ATP13A4: variants seen among roughly 807,000 people sequenced by gnomAD.
The protein encoded by ATP13A4 is ATPase 13A4, also known as probable cation-transporting ATPase 13A4.
A neutral mutation model predicts 142.5 loss-of-function variants in ATP13A4; 114 were observed. That is an observed-to-expected ratio of 0.80 (90% confidence interval 0.69 to 0.93). ATP13A4 has a LOEUF of 0.93. Among genes scored for constraint, ATP13A4 ranks in the 40% least tolerant of loss-of-function variants. ATP13A4 has a pLI of 0.00. For synonymous variants in ATP13A4, 488 were observed against 514.8 expected, an observed-to-expected ratio of 0.95 and a Z score of 0.70; for missense variants, 1,392 against 1,454.0, an observed-to-expected ratio of 0.96 and a Z score of 0.69.
intron 1 of ATP13A4, among the ~76,000 whole-genome samples, chr3:193,541,543 G>C (rs1722930458): frequency 6.6e-6 from 1 of 152,020 alleles, no homozygotes; most frequent in Non-Finnish European, 1.5e-5. Context: ...TTTTCAGTTA[G>C]TTCACTGATT....
Position 193,427,435 on chromosome 3 carries a change from G to A in ATP13A4, c.2842+6410C>T, listed in dbSNP as rs561006768. Among the ~76,000 whole-genome samples the A allele has an allele frequency of 2.0e-5, 3 of 152,258 alleles. No individual in the cohort carries two copies. The East Asian group carries it at 5.8e-4, about 29-fold the overall frequency. ...CAAGCTACCAATGACTTTCTTCATA[G>A]AATTGGAAGAAACTACTTTAAAGTT... On this transcript the variant is annotated intron_variant, in intron 25 of 29. Transcript: ENST00000342695.
At chr3:193,518,891 C>A (rs1721568037) in intron 1 of ATP13A4, among the ~76,000 whole-genome samples, 1 of 152,162 alleles carries the variant, frequency 6.6e-6, no homozygotes, top group Non-Finnish European at 1.5e-5. Context: ...ACAGTCTCAC[C>A]CTGTAAACTA....
At chr3:193,493,793 G>A (rs1720077556) in intron 3 of ATP13A4, among the ~76,000 whole-genome samples, 5 of 152,076 alleles carry the variant, frequency 3.3e-5, no homozygotes, top group Admixed American at 3.3e-4. Context: ...CAGATAATGA[G>A]GCTACATAAG....
rs569654732 is a variant in ATP13A4 at position 193,455,298 on chromosome 3, G to A, written c.1916-1086C>T. On this transcript the variant is annotated intron_variant, in intron 16 of 29. Transcript: ENST00000342695. ...GGAGCTTGCAGTGAGCCGAGATTGCGCCACTGCACTCCAGCCTGGGCAACA... is the reference window on the plus strand; with the variant it reads ...GGAGCTTGCAGTGAGCCGAGATTGCACCACTGCACTCCAGCCTGGGCAACA... Among the ~76,000 whole-genome samples, 356 of 138,020 alleles carry A rather than the reference G, an allele frequency of 2.6e-3. 1 individual carries two copies. Among genetic ancestry groups the A allele is most frequent in the African/African-American group, 9.1e-3 (327 of 35,744 alleles). 90.5% of individuals were successfully genotyped at this position (138,020 alleles called of 152,430 possible). A position where few individuals can be genotyped will look rare whatever the true frequency, so the allele number is the denominator to read the frequency against.
rs192598217 is a variant in ATP13A4, at chr3:193,469,991, A to T, written c.943+868T>A. Among the ~76,000 whole-genome samples the T allele has an allele frequency of 3.4e-3, 512 of 152,276 alleles. 6 individuals are homozygous for T. The highest frequency in any genetic ancestry group is 0.02 in the Middle Eastern group (6 of 294). On this transcript the variant is annotated intron_variant, in intron 9 of 29. Coordinates refer to ENST00000342695, the MANE Select transcript of ATP13A4 (RefSeq NM_032279.4). ...GTCTGCGACACATCTATTCTTTGTA[A>T]GCTAACATAGGAAGAAGGTGTGTAC...
Position 193,543,710 on chromosome 3 carries a change from A to C in ATP13A4, c.60+11030T>G, listed in dbSNP as rs73063947. On this transcript the variant is annotated intron_variant, in intron 1 of 29. Transcript: ENST00000342695. ...AATAGAGATAATCCACGAAGTCATA[A>C]ATTTTCTTGAACTCATCAGATAGCT... 4.4e-3 allele frequency among the ~76,000 whole-genome samples: 665 copies of C among 152,264 alleles called. 6 individuals are homozygous for C. Among genetic ancestry groups the C allele is most frequent in the East Asian group, 0.019 (98 of 5,194 alleles).
In ATP13A4 at chr3:193,457,002, G is replaced by A. The variant is rs563494981; in HGVS notation, c.1913C>T (p.Thr638Ile). The change falls in exon 16 of 30, where the codon ACA (threonine) becomes ATA (isoleucine). Residue 638 changes from threonine (T) to isoleucine (I), a missense_variant and splice_region_variant. Coordinates refer to ENST00000342695, the MANE Select transcript of ATP13A4 (RefSeq NM_032279.4). Reference sequence around the variant, plus strand: ...GTAATCCAAGTCAAGTTACAGACCTGTCTCAGGTTGGCAAAAGCTGGCCAC... The same window carrying A: ...GTAATCCAAGTCAAGTTACAGACCTATCTCAGGTTGGCAAAAGCTGGCCAC... Reference protein sequence around the residue: ...ERVASFCQPETVPTSFVSELQ... With the variant: ...ERVASFCQPEIVPTSFVSELQ... 46 of 1,612,330 alleles carry A rather than the reference G, an allele frequency of 2.9e-5. No homozygotes were observed. The highest frequency in any genetic ancestry group is 3.8e-5 in the Non-Finnish European group (45 of 1,179,284).
chr3:193,447,650 A>C (rs943549625), intron 18 of ATP13A4, among the ~76,000 whole-genome samples: 5 of 152,244 alleles, frequency 3.3e-5, no homozygotes, highest in African/African-American at 1.2e-4. Context: ...TAATTTCATT[A>C]AGAAATTTCA....
intron 2 of ATP13A4, among the ~76,000 whole-genome samples, chr3:193,571,095 T>C (rs1431694685): frequency 1.3e-5 from 2 of 151,954 alleles, no homozygotes; most frequent in Admixed American, 6.6e-5. Flanking sequence ...CTGGCCAACA[T>C]GGCAAAACCC....
chr3:193,531,315 G>GACGGGAGGGAAGGAAGGGA (rs1722314484), intron 1 of ATP13A4, among the ~76,000 whole-genome samples: 1 of 92,732 alleles, frequency 1.1e-5, no homozygotes, highest in Non-Finnish European at 2.3e-5. Flanking sequence ...AGGAAGGAAG[G>GACGGGAGGGAAGGAAGGGA]AAGGAAGGAA....
At chr3:193,416,027 TA>T (rs1715042561) in intron 25 of ATP13A4, among the ~76,000 whole-genome samples, 1 of 152,156 alleles carries the variant, frequency 6.6e-6, no homozygotes, top group South Asian at 2.1e-4. Flanking sequence ...AGCACAGAAA[TA>T]ATCTGTAAGG....
intron 9 of ATP13A4, among the ~76,000 whole-genome samples, chr3:193,469,320 T>C (rs190097906): frequency 2.6e-5 from 4 of 152,226 alleles, no homozygotes; most frequent in Admixed American, 6.5e-5. Flanking sequence ...GACAGGACAA[T>C]AAGTTGAGAA....
Position 193,402,426 on chromosome 3 carries a change from G to A in ATP13A4, c.*226C>T, listed in dbSNP as rs1347152011. On this transcript the variant is annotated 3_prime_UTR_variant, in exon 30 of 30. Transcript: ENST00000342695. ...TTCTTGGCCCATTCTTGCCTTCACT[G>A]AATGCCTCTAATACCTTCAGAAGCC... 1.2e-5 allele frequency: 6 copies of A among 514,832 alleles called. No homozygotes were observed. Among genetic ancestry groups the A allele is most frequent in the Non-Finnish European group, 2.1e-5 (6 of 286,508 alleles). 31.9% of individuals were successfully genotyped at this position (514,832 alleles called of 1,614,324 possible).
intron 8 of ATP13A4, 74 bp downstream of exon 8, chr3:193,483,862 A>C (rs1174949981): frequency 8.6e-7 from 1 of 1,161,594 alleles, no homozygotes; most frequent in Non-Finnish European, 1.3e-6. Flanking sequence ...TAACAGCAGC[A>C]ATCAGAAATA....
intron 1 of ATP13A4, among the ~76,000 whole-genome samples, chr3:193,547,174 C>T (rs1316202126): frequency 1.1e-4 from 17 of 152,208 alleles, no homozygotes; most frequent in Non-Finnish European, 5.9e-5. Flanking sequence ...TTTTACTCAG[C>T]GTCCTGTCTG....
Position 193,582,704 on chromosome 3 carries a change from T to TAA in ATP13A4, n.92-800_92-799dup, listed in dbSNP as rs1213080913. On this transcript the variant is annotated intron_variant and non_coding_transcript_variant, in intron 1 of 3. Coordinates refer to the ATP13A4 transcript ENST00000489140. ...ATATTATATATGTGTATAACATATA[T>TAA]AATATATATGTATATTACATATATA... Among the ~76,000 whole-genome samples, 6 of 57,704 alleles carry TAA rather than the reference T, an allele frequency of 1.0e-4. 1 individual carries two copies. Among genetic ancestry groups the TAA allele is most frequent in the South Asian group, 4.7e-4 (1 of 2,112 alleles). The allele number at this position is 57,704 out of a possible 152,430, so 37.9% of individuals were successfully genotyped here.
intron 2 of ATP13A4, among the ~76,000 whole-genome samples, chr3:193,570,004 A>G (rs1428854269): frequency 2.0e-5 from 3 of 152,194 alleles, no homozygotes; most frequent in Non-Finnish European, 4.4e-5. Flanking sequence ...TTACGCATAC[A>G]AATATGCTTT....
In ATP13A4 at chr3:193,466,181, T is replaced by A. The variant is rs1718273303; in HGVS notation, c.1116A>T (p.Gly372=). Reference sequence around the variant, plus strand: ...CAAGGTCTCCCTTTGCAGTGTTGAATCCTGGAACAACAAACACACACCCCA... The same window carrying A: ...CAAGGTCTCCCTTTGCAGTGTTGAAACCTGGAACAACAAACACACACCCCA... ...GTVRAVVLQT[G]FNTAKGDLVR... The change falls in exon 11 of 30, where the codon GGA becomes GGT. Residue 372 remains glycine, a splice_region_variant and synonymous_variant. Coordinates refer to ENST00000342695, the MANE Select transcript of ATP13A4 (RefSeq NM_032279.4). 1.9e-6 allele frequency: 3 copies of A among 1,613,662 alleles called. No individual in the cohort carries two copies. The highest frequency in any genetic ancestry group is 2.5e-6 in the Non-Finnish European group (3 of 1,179,856).
intron 2 of ATP13A4, among the ~76,000 whole-genome samples, chr3:193,576,473 C>T (rs12489152): frequency 0.52 from 76,743 of 148,012 alleles, 20,545 homozygotes; most frequent in African/African-American, 0.65. Context: ...GGGTTTCACC[C>T]TGTTAGCCAG....
Sources: gnomAD v4.1 joint callset for allele counts (sites outside exome capture counted in the v4.1 genomes callset) on GRCh38, gnomAD v4.1.1 for gene constraint, MANE v1.5 for transcripts, NCBI Gene and HGNC (gene_info 2026-07-23, HGNC 2026-07-21) for gene names.